TP73: variants seen among roughly 807,000 people sequenced by gnomAD.
TP73 encodes tumor protein p73.
TP73 carries 25 observed loss-of-function variants against 62.5 expected under a neutral mutation model. The observed-to-expected ratio is 0.40, with a 90% CI of 0.29 to 0.56. The LOEUF (loss-of-function observed/expected upper bound fraction) is 0.56. Ranked by LOEUF, TP73 falls within the 20% of genes least tolerant of loss-of-function variation. The probability of loss-of-function intolerance (pLI) is 0.46; values close to 1 mark genes in which losing one functional copy is unlikely to be tolerated. For synonymous variants in TP73, 423 were observed against 377.5 expected (o/e 1.12, Z -1.40); for missense variants, 754 against 913.3 (o/e 0.83, Z 2.25).
chr1:3,664,726 G>C (rs567886896), intron 1 of TP73, among the ~76,000 whole-genome samples: 1 of 152,296 alleles, frequency 6.6e-6, no homozygotes, highest in Non-Finnish European at 1.5e-5. Context: ...ATGGTTGGGG[G>C]GCAGGGGTTG....
At chr1:3,727,806 G>A in intron 8 of TP73, 36 bp downstream of exon 8, 2 of 1,499,428 alleles carry the variant, frequency 1.3e-6, no homozygotes, top group Non-Finnish European at 1.8e-6. Context: ...ACGCGTGTGG[G>A]AGGAGAAGGG....
rs1557483948 is a variant in TP73 at position 3,662,917 on chromosome 1, A to G, written c.-34+10276A>G. Reference sequence around the variant, plus strand: ...CAGCTCCGAGCGCTCTCAGAGAAAAACGAAATTCTCTTTTATAAGAGAAAC... The same window carrying G: ...CAGCTCCGAGCGCTCTCAGAGAAAAGCGAAATTCTCTTTTATAAGAGAAAC... On this transcript the variant is annotated intron_variant, in intron 1 of 13. Transcript: ENST00000378295. This position sits in a 1 kb window ranked among gnomAD's most constrained non-coding sequence, Gnocchi z 4.4. Among the ~76,000 whole-genome samples the G allele has an allele frequency of 6.6e-6, 1 of 152,202 alleles. No individual in the cohort carries two copies. Among genetic ancestry groups the G allele is most frequent in the Non-Finnish European group, 1.5e-5 (1 of 68,026 alleles).
Position 3,682,315 on chromosome 1 carries a change from ATTCC to A in TP73, c.-33-8_-33-5del, listed in dbSNP as rs1490696913. 2 of 1,452,862 alleles carry A rather than the reference ATTCC, an allele frequency of 1.4e-6. No homozygotes were observed. Among genetic ancestry groups the A allele is most frequent in the Non-Finnish European group, 9.2e-7 (1 of 1,086,944 alleles). 90.0% of individuals were successfully genotyped at this position (1,452,862 alleles called of 1,614,324 possible). A position where few individuals can be genotyped will look rare whatever the true frequency, so the allele number is the denominator to read the frequency against. ...CGAGTTCCCAGGGTGCTCAGGTGTC[ATTCC>A]TTCCTTCCTGCAGAGCGAGCTGCCC... On this transcript the variant is annotated splice_polypyrimidine_tract_variant and intron_variant, in intron 1 of 13. Coordinates refer to ENST00000378295, the MANE Select transcript of TP73 (RefSeq NM_005427.4).
intron 3 of TP73, among the ~76,000 whole-genome samples, chr1:3,684,372 G>C (rs1049397557): frequency 1.3e-5 from 2 of 152,202 alleles, no homozygotes; most frequent in Non-Finnish European, 2.9e-5. Context: ...GGAGGGAGGC[G>C]ATGCTGGGCC....
intron 12 of TP73, 55 bp from the exon 13 acceptor site, chr1:3,731,408 C>T (rs368804114): frequency 4.5e-6 from 7 of 1,550,604 alleles, no homozygotes; most frequent in Middle Eastern, 1.8e-4. Context: ...TGGGGGCTCG[C>T]GCAGCCCTGT....
chr1:3,725,993 G>A, intron 6 of TP73, among the ~76,000 whole-genome samples: 1 of 113,328 alleles, frequency 8.8e-6, no homozygotes, highest in Non-Finnish European at 1.9e-5. Context: ...ATGGATGGAT[G>A]GGATGGGTGG....
intron 3 of TP73, among the ~76,000 whole-genome samples, chr1:3,686,643 C>T (rs1570442989): frequency 6.6e-6 from 1 of 152,162 alleles, no homozygotes; most frequent in Non-Finnish European, 1.5e-5. Flanking sequence ...AGGCCACAGA[C>T]TTATTGGGGA....
In TP73 at chr1:3,699,358, G is replaced by A. The variant is rs368719389; in HGVS notation, c.187-8191G>A. 6.6e-5 allele frequency among the ~76,000 whole-genome samples: 10 copies of A among 152,160 alleles called. No homozygotes were observed. Among genetic ancestry groups the A allele is most frequent in the East Asian group, 1.9e-4 (1 of 5,170 alleles). On this transcript the variant is annotated intron_variant, in intron 3 of 13. Transcript: ENST00000378295. The surrounding 1 kb of genome is among the most constrained non-coding windows in gnomAD (Gnocchi z 4.1). ...CGAGAGATCAGGGAGTTTGAGGAGC[G>A]GCATACTCTCAAAAAACCACAACAG...
In TP73 at chr1:3,730,114, C is replaced by T. The variant is rs2124538036; in HGVS notation, c.1311C>T (p.His437=). The change falls in exon 11 of 14, where the codon CAC becomes CAT. Residue 437 remains histidine (H), a synonymous_variant. Transcript: ENST00000378295. Reference sequence around the variant, plus strand: ...AGCTGGTGGGCCAGCCTCCCCCGCACAGTTCGGCAGCTACACCCAACCTGG... The same window carrying T: ...AGCTGGTGGGCCAGCCTCCCCCGCATAGTTCGGCAGCTACACCCAACCTGG... The part of the protein sequence containing the change: ...VNQLVGQPPP[H]SSAATPNLGP... 2 of 1,573,322 alleles carry T rather than the reference C, an allele frequency of 1.3e-6. No individual in the cohort carries two copies. Among genetic ancestry groups the T allele is most frequent in the Non-Finnish European group, 1.7e-6 (2 of 1,159,462 alleles).
chr1:3,730,856 G>C, intron 11 of TP73, 71 bp from the exon 12 acceptor site: 1 of 1,505,180 alleles, frequency 6.6e-7, no homozygotes, highest in Non-Finnish European at 8.9e-7. Context: ...GAGGTGTCTG[G>C]AGCCTGGGTG....
At chr1:3,658,872 G>T (rs1341109229) in intron 1 of TP73, 1 of 151,358 alleles carries the variant, frequency 6.6e-6, no homozygotes, top group Non-Finnish European at 1.5e-5. Context: ...TCATATTTAG[G>T]GGTGGCGTAT....
At chr1:3,717,262 A>G (rs78842275) in intron 4 of TP73, among the ~76,000 whole-genome samples, 2,142 of 152,212 alleles carry the variant, frequency 0.014, 48 homozygotes, top group African/African-American at 0.048. Context: ...CCACCCCCGC[A>G]CCAGCCCTGC....
rs772552229 is a variant in TP73 at position 3,731,541 on chromosome 1, G to C, written c.1563G>C (p.Gln521His). The change falls in exon 13 of 14, where the codon CAG becomes CAC. Residue 521 changes from glutamine to histidine, a missense_variant. Gln to His is a conservative substitution (Grantham distance 24). Transcript: ENST00000378295. ...SQGLQSIYHL[Q>H]NLTIEDLGAL... ...GGTTACAGAGCATTTACCACCTGCA[G>C]AACCTGACCATTGAGGTAACGCCCG... 2 of 1,613,812 alleles carry C rather than the reference G, an allele frequency of 1.2e-6. No individual in the cohort carries two copies. Among genetic ancestry groups the C allele is most frequent in the Non-Finnish European group, 8.5e-7 (1 of 1,180,020 alleles).
intron 5 of TP73, 51 bp from the exon 6 acceptor site, chr1:3,723,302 CA>C (rs1251758650): frequency 3.4e-6 from 5 of 1,463,030 alleles, no homozygotes; most frequent in African/African-American, 2.8e-5. Flanking sequence ...GCACCTAGCA[CA>C]GGGGTGGGCA....
intron 1 of TP73, among the ~76,000 whole-genome samples, chr1:3,653,309 G>T (rs1036529669): frequency 1.3e-5 from 2 of 152,218 alleles, no homozygotes; most frequent in Admixed American, 6.5e-5. Flanking sequence ...GAAATGGCCC[G>T]GGCCGGCCTG....
chr1:3,687,354 T>C (rs1456217325), intron 3 of TP73, among the ~76,000 whole-genome samples: 1 of 152,124 alleles, frequency 6.6e-6, no homozygotes, highest in Non-Finnish European at 1.5e-5. Context: ...GGGTCTGCCC[T>C]GGCCACCCCC....
chr1:3,665,923 A>G (rs1645102298), intron 1 of TP73, among the ~76,000 whole-genome samples: 2 of 149,120 alleles, frequency 1.3e-5, no homozygotes, highest in Non-Finnish European at 3.0e-5. Context: ...TCACCAGGTC[A>G]GGAGTTTGAG....
In TP73 at chr1:3,733,606, C is replaced by T. The variant is rs927868177; in HGVS notation, c.*527C>T. 6.3e-5 allele frequency: 10 copies of T among 159,104 alleles called. No homozygotes were observed. In the Middle Eastern group the frequency reaches 1.5e-3, roughly 24 times the overall value. The allele number at this position is 159,104 out of a possible 1,614,324, so 9.9% of individuals were successfully genotyped here. On this transcript the variant is annotated 3_prime_UTR_variant, in exon 14 of 14. Transcript: ENST00000378295. Reference sequence around the variant, plus strand: ...AATGTCCCTAACTGCGTCTTGCCCGCGCCGGGGGCTGGGGACTCTCTCTGC... The same window carrying T: ...AATGTCCCTAACTGCGTCTTGCCCGTGCCGGGGGCTGGGGACTCTCTCTGC...
intron 4 of TP73, among the ~76,000 whole-genome samples, chr1:3,710,205 G>A (rs2181488): frequency 0.24 from 33,560 of 140,152 alleles, 4,557 homozygotes; most frequent in East Asian, 0.38. Flanking sequence ...GGGGCGGGGG[G>A]AGGGTGGGGG....
Sources: gnomAD v4.1 joint callset for allele counts (sites outside exome capture counted in the v4.1 genomes callset) on GRCh38, gnomAD v4.1.1 for gene constraint, Gnocchi (gnomAD v3.1) non-coding constraint, MANE v1.5 for transcripts, NCBI Gene and HGNC (gene_info 2026-07-23, HGNC 2026-07-21) for gene names.